The following MAGI1 variants were observed in gnomAD, a reference collection of about 807,000 sequenced individuals.
The protein encoded by MAGI1 is membrane associated guanylate kinase, WW and PDZ domain containing 1, also known as membrane-associated guanylate kinase, WW and PDZ domain-containing protein 1.
MAGI1 carries 58 observed loss-of-function variants against 139.9 expected under a neutral mutation model. That is an observed-to-expected ratio of 0.41 (90% confidence interval 0.34 to 0.52). The LOEUF (loss-of-function observed/expected upper bound fraction) is 0.52, where lower values mean the gene tolerates loss of function less well. Ranked by LOEUF, MAGI1 falls within the 20% of genes least tolerant of loss-of-function variation. The probability of loss-of-function intolerance (pLI) is 0.12; values close to 1 mark genes in which losing one functional copy is unlikely to be tolerated. For synonymous variants in MAGI1, 812 were observed against 737.9 expected, an observed-to-expected ratio of 1.10 and a Z score of -1.63; for missense variants, 1,874 against 1,901.6, an observed-to-expected ratio of 0.99 and a Z score of 0.27.
chr3:65,830,280 G>A (rs1248483671), intron 1 of MAGI1, among the ~76,000 whole-genome samples: 1 of 151,502 alleles, frequency 6.6e-6, no homozygotes, highest in South Asian at 2.1e-4. Flanking sequence ...GGCTTTTTGT[G>A]TAATGCTAAA....
rs11271375 is a variant in MAGI1, at chr3:65,880,908, C to CGTGTGTGTGTGT, written c.313+157076_313+157087dup. ...TTCATGGGAAATAAAATATCTCTGGCGTGTGTGTGTGTGTGTGTGTGTGTG... is the reference window on the plus strand; with the variant it reads ...TTCATGGGAAATAAAATATCTCTGGCGTGTGTGTGTGTGTGTGTGTGTGTGTGTGTGTGTGTG... On this transcript the variant is annotated intron_variant, in intron 1 of 22. Transcript: ENST00000402939. 9.2e-3 allele frequency among the ~76,000 whole-genome samples: 1,337 copies of CGTGTGTGTGTGT among 145,664 alleles called. 13 individuals are homozygous for CGTGTGTGTGTGT. Among genetic ancestry groups the CGTGTGTGTGTGT allele is most frequent in the African/African-American group, 0.02 (787 of 39,054 alleles).
At chr3:65,678,336 C>A (rs1264235028) in intron 1 of MAGI1, among the ~76,000 whole-genome samples, 3 of 123,374 alleles carry the variant, frequency 2.4e-5, no homozygotes, top group African/African-American at 9.6e-5. Context: ...AAAAAGAAAA[C>A]CTTTAAAAAA....
intron 1 of MAGI1, among the ~76,000 whole-genome samples, chr3:65,670,559 A>G (rs1187481589): frequency 1.3e-5 from 2 of 152,190 alleles, no homozygotes; most frequent in Non-Finnish European, 2.9e-5. Context: ...GACATTATGG[A>G]CTACAGAAGA....
intron 2 of MAGI1, among the ~76,000 whole-genome samples, chr3:65,577,946 TCTCTCACACA>T (rs375765218): frequency 1.5e-3 from 233 of 152,310 alleles, no homozygotes; most frequent in Non-Finnish European, 2.8e-3. Context: ...TCTCTTTCTC[TCTCTCACACA>T]CTCTCACACA....
intron 12 of MAGI1, among the ~76,000 whole-genome samples, chr3:65,403,567 G>C (rs1945081047): frequency 6.6e-6 from 1 of 152,074 alleles, no homozygotes; most frequent in African/African-American, 2.4e-5. Flanking sequence ...CTAATTCAGA[G>C]AGACCTTCTT....
At chr3:65,690,520 A>C (rs1576748060) in intron 1 of MAGI1, among the ~76,000 whole-genome samples, 1 of 152,262 alleles carries the variant, frequency 6.6e-6, no homozygotes, top group East Asian at 1.9e-4. Flanking sequence ...TATGTCACTC[A>C]GGCTGGAGTG....
intron 1 of MAGI1, among the ~76,000 whole-genome samples, chr3:65,996,239 A>T (rs905877378): frequency 5.9e-5 from 9 of 152,032 alleles, no homozygotes; most frequent in Non-Finnish European, 1.2e-4. Context: ...TAAGGAGGAT[A>T]AAAAAAATGA....
At chr3:66,002,708 G>T (rs531086744) in intron 1 of MAGI1, among the ~76,000 whole-genome samples, 15 of 152,148 alleles carry the variant, frequency 9.9e-5, no homozygotes, top group Admixed American at 3.9e-4. Flanking sequence ...TAGAGACAGG[G>T]TTTCTCCATG....
intron 1 of MAGI1, among the ~76,000 whole-genome samples, chr3:65,876,551 C>T (rs2060125976): frequency 6.6e-6 from 1 of 151,952 alleles, no homozygotes; most frequent in African/African-American, 2.4e-5. Flanking sequence ...ATTGAAATCA[C>T]AATAAATATA....
intron 2 of MAGI1, among the ~76,000 whole-genome samples, chr3:65,570,905 G>T (rs887640550): frequency 6.6e-6 from 1 of 152,156 alleles, no homozygotes; most frequent in Non-Finnish European, 1.5e-5. Context: ...GAACTGCTAG[G>T]ACAAAACAAG....
At chr3:65,851,475 G>A (rs1487796105) in intron 1 of MAGI1, among the ~76,000 whole-genome samples, 3 of 152,234 alleles carry the variant, frequency 2.0e-5, no homozygotes, top group Admixed American at 1.3e-4. Context: ...GTTGCCAGGC[G>A]CGGTGGCTCA....
At chr3:65,594,802 CTT>C (rs1424325738) in intron 2 of MAGI1, among the ~76,000 whole-genome samples, 1 of 152,098 alleles carries the variant, frequency 6.6e-6, no homozygotes, top group Non-Finnish European at 1.5e-5. Context: ...GGGGGGGTGT[CTT>C]TTGATTTAGC....
intron 10 of MAGI1, among the ~76,000 whole-genome samples, chr3:65,435,218 G>C (rs983533121): frequency 6.6e-6 from 1 of 151,674 alleles, no homozygotes; most frequent in African/African-American, 2.4e-5. Flanking sequence ...TCAATCATTA[G>C]ATGACTAAAG....
intron 1 of MAGI1, among the ~76,000 whole-genome samples, chr3:65,774,643 T>G (rs1227710407): frequency 2.6e-5 from 4 of 152,298 alleles, no homozygotes; most frequent in Non-Finnish European, 5.9e-5. Context: ...CCCTGACATT[T>G]CACATCTGCT....
chr3:65,445,417 C>T (rs540971933), intron 7 of MAGI1, among the ~76,000 whole-genome samples: 54 of 152,290 alleles, frequency 3.5e-4, no homozygotes, highest in Non-Finnish European at 4.3e-4. Context: ...TGTGTACTTG[C>T]TACTCCTGCC....
chr3:65,390,995 C>A (rs1943882192), intron 14 of MAGI1, 147 bp downstream of exon 14: 7 of 672,502 alleles, frequency 1.0e-5, no homozygotes, highest in South Asian at 1.0e-4. Flanking sequence ...CCAGCAGAGT[C>A]CACTCCCTCT....
intron 1 of MAGI1, among the ~76,000 whole-genome samples, chr3:65,968,721 C>T (rs2107161535): frequency 1.3e-5 from 2 of 152,096 alleles, no homozygotes; most frequent in South Asian, 4.2e-4. Flanking sequence ...AGACTTTTCA[C>T]TCTATACCCT....
At chr3:65,677,436 A>G (rs2087266635) in intron 1 of MAGI1, among the ~76,000 whole-genome samples, 1 of 152,298 alleles carries the variant, frequency 6.6e-6, no homozygotes, top group East Asian at 1.9e-4. Flanking sequence ...ACCTGGCTCA[A>G]TGACACACCG....
chr3:65,529,344 A>G (rs1284092529), intron 2 of MAGI1, among the ~76,000 whole-genome samples: 1 of 152,152 alleles, frequency 6.6e-6, no homozygotes, highest in Admixed American at 6.5e-5. Context: ...CAGAAACTCC[A>G]TACCCATTAA....
Sources: allele counts gnomAD v4.1 joint callset (sites outside exome capture counted in the v4.1 genomes callset), GRCh38; gene constraint gnomAD v4.1.1; transcripts MANE v1.5; gene names NCBI Gene and HGNC (gene_info 2026-07-23, HGNC 2026-07-21).